NDUFB10: variants seen among roughly 807,000 people sequenced by gnomAD.
NDUFB10 encodes the protein NADH dehydrogenase [ubiquinone] 1 beta subcomplex subunit 10.
NDUFB10 carries 23 observed loss-of-function variants against 19.0 expected under a neutral mutation model. The observed-to-expected ratio is 1.21, with a 90% CI of 0.87 to 1.71. NDUFB10 has a LOEUF of 1.71. Ranked by LOEUF, NDUFB10 falls within the 40% of genes most tolerant of loss-of-function variation. NDUFB10 has a pLI of 0.00. For missense variants in NDUFB10, 312 were observed against 230.6 expected (o/e 1.35, Z -2.29); for synonymous variants, 104 against 81.8 (o/e 1.27, Z -1.46).
In NDUFB10 at chr16:1,961,548, TCAGCAGAGGGAAGGACAGAACTAC is replaced by T; in HGVS notation, c.329_352del (p.Arg110_Gln117del). ...TTATGCAGGATCGGCTCAAAGCCTG[TCAGCAGAGGGAAGGACAGAACTAC>T]CAGCAGAACTGTATCAAGGAAGTGG... On this transcript the variant is annotated inframe_deletion, in exon 3 of 4. Coordinates refer to ENST00000268668, the MANE Select transcript of NDUFB10 (RefSeq NM_004548.3). 1 of 1,614,068 alleles carries T rather than the reference TCAGCAGAGGGAAGGACAGAACTAC, an allele frequency of 6.2e-7. No individual in the cohort carries two copies. The highest frequency in any genetic ancestry group is 8.5e-7 in the Non-Finnish European group (1 of 1,180,022).
intron 1 of NDUFB10, 73 bp downstream of exon 1, chr16:1,959,827 T>G: frequency 6.4e-7 from 1 of 1,572,636 alleles, no homozygotes; most frequent in Non-Finnish European, 8.7e-7. Flanking sequence ...GCCTGGATCC[T>G]CCAATGCCTC....
rs1409455455 is a variant in NDUFB10, at chr16:1,959,566, G to A, written c.-59G>A. 1.3e-6 allele frequency: 2 copies of A among 1,538,494 alleles called. No individual in the cohort carries two copies. The highest frequency in any genetic ancestry group is 2.5e-5 in the East Asian group (1 of 40,544). On this transcript the variant is annotated 5_prime_UTR_variant, in exon 1 of 4. Transcript: ENST00000268668. ...GCGGGCGACCTAGGCCGCGGGACCC[G>A]GACGGAGGTAGAGGCCAGGGCAGCG... is the stretch of plus-strand genomic sequence containing the variant.
Position 1,961,385 on chromosome 16 carries a change from AG to A in NDUFB10, c.269+98del, listed in dbSNP as rs1190648756. 6.3e-6 allele frequency: 10 copies of A among 1,596,826 alleles called. No homozygotes were observed. The East Asian group carries it at 2.2e-4, about 36-fold the overall frequency. On this transcript the variant is annotated intron_variant, in intron 2 of 3. Coordinates refer to ENST00000268668, the MANE Select transcript of NDUFB10 (RefSeq NM_004548.3). ...CCACAGGGTGGCATGCCCAGATTTT[AG>A]GGGTGACATGGGAGGAGCCAGACCC...
chr16:1,961,645 C>T lies in NDUFB10; in HGVS notation c.409+9C>T, dbSNP rs1597035836. On this transcript the variant is annotated intron_variant, in intron 3 of 3. Coordinates refer to ENST00000268668, the MANE Select transcript of NDUFB10 (RefSeq NM_004548.3). The stretch of plus-strand genomic sequence containing the variant: ...GGCCTACCAGGACCGCTGTGCGTGC[C>T]CCACCCACCCCCAACCCCCCACCAT... The T allele has an allele frequency of 2.6e-6, 3 of 1,169,650 alleles. No individual in the cohort carries two copies. Among genetic ancestry groups the T allele is most frequent in the Non-Finnish European group, 1.2e-6 (1 of 845,072 alleles). 72.5% of individuals were successfully genotyped at this position (1,169,650 alleles called of 1,614,324 possible).
chr16:1,961,097 GCTAAAAGC>G lies in NDUFB10; in HGVS notation c.131-53_131-46del, dbSNP rs1337617216. Reference sequence around the variant, plus strand: ...CAAAGGGCTTATGAGAAATAAGAAAGCTAAAAGCCTGTCCAAACCGATGAGGCATTTGA... The same window carrying G: ...CAAAGGGCTTATGAGAAATAAGAAAGCTGTCCAAACCGATGAGGCATTTGA... On this transcript the variant is annotated intron_variant, in intron 1 of 3. Transcript: ENST00000268668. 7 of 1,594,012 alleles carry G rather than the reference GCTAAAAGC, an allele frequency of 4.4e-6. No individual in the cohort carries two copies. The East Asian group carries it at 1.3e-4, about 31-fold the overall frequency.
chr16:1,959,817 G>T, intron 1 of NDUFB10, 63 bp downstream of exon 1: 5 of 1,594,802 alleles, frequency 3.1e-6, no homozygotes, highest in Non-Finnish European at 4.3e-6. Flanking sequence ...CCCACACCCT[G>T]CCTGGATCCT....
intron 2 of NDUFB10, 27 bp from the exon 3 acceptor site, chr16:1,961,470 G>C (rs1279668901): frequency 5.0e-6 from 8 of 1,612,838 alleles, no homozygotes; most frequent in Non-Finnish European, 5.9e-6. Context: ...CTTGTGATTA[G>C]CCTCTCTTGC....
chr16:1,961,032 TA>T, intron 1 of NDUFB10, 120 bp from the exon 2 acceptor site: 1 of 1,267,774 alleles, frequency 7.9e-7, no homozygotes, highest in Non-Finnish European at 1.1e-6. Flanking sequence ...TGCTGTTTTC[TA>T]AACGCTGGAA....
intron 3 of NDUFB10, 26 bp from the exon 4 acceptor site, chr16:1,961,771 C>G: frequency 3.2e-6 from 5 of 1,548,712 alleles, no homozygotes; most frequent in South Asian, 1.2e-5. Context: ...GCCTCGGTTC[C>G]CAGCTTGTTT....
chr16:1,961,222 A>G lies in NDUFB10; in HGVS notation c.200A>G (p.Asp67Gly), dbSNP rs2083252014. 1 of 1,614,022 alleles carries G rather than the reference A, an allele frequency of 6.2e-7. No homozygotes were observed. Among genetic ancestry groups the G allele is most frequent in the African/African-American group, 1.3e-5 (1 of 74,944 alleles). Residue 67 changes from aspartate to glycine, a missense_variant, in exon 2 of 4, where the codon GAC becomes GGC. Physicochemically the swap from Asp to Gly is moderately conservative, Grantham distance 94 (BLOSUM62 -1). Coordinates refer to ENST00000268668, the MANE Select transcript of NDUFB10 (RefSeq NM_004548.3). ...YYHRQYRRVP[D>G]ITECKEEDIM... The stretch of plus-strand genomic sequence containing the variant: ...CACCGGCAGTACCGCCGCGTGCCAG[A>G]CATCACTGAGTGCAAGGAGGAGGAC...
chr16:1,961,507 CAAG>C lies in NDUFB10; in HGVS notation c.283_285del (p.Glu95del). The C allele has an allele frequency of 6.2e-7, 1 of 1,613,974 alleles. No homozygotes were observed. Among genetic ancestry groups the C allele is most frequent in the Non-Finnish European group, 8.5e-7 (1 of 1,179,988 alleles). ...CCTTTTCTCCACCAGCAAAGTCGAC[CAAG>C]AAATTATCAACATTATGCAGGATCG... On this transcript the variant is annotated inframe_deletion, in exon 3 of 4. Transcript: ENST00000268668.
In NDUFB10 at chr16:1,961,162, A is replaced by G; in HGVS notation, c.140A>G (p.Glu47Gly). 6.2e-7 allele frequency: 1 copy of G among 1,613,986 alleles called. No homozygotes were observed. The highest frequency in any genetic ancestry group is 8.5e-7 in the Non-Finnish European group (1 of 1,179,960). ...GGCTTTGTCTTTGCAGAATTTATAG[A>G]GCGGCAGCACGCAAAGAACAGGTAT... The part of the protein sequence containing the change: ...RPVTLVREFI[E>G]RQHAKNRYYY... The change falls in exon 2 of 4, where the codon GAG becomes GGG. Residue 47 changes from glutamate (E) to glycine (G), a missense_variant. Glu to Gly is a moderately conservative substitution (Grantham distance 98, BLOSUM62 -2). Transcript: ENST00000268668.
chr16:1,961,953 G>A lies in NDUFB10; in HGVS notation c.*47G>A. ...TGTGTGGCTCTGTATGACTGTTGCTGAAATATAAAGCCCTGCAACCTGCCT... is the reference window on the plus strand; with the variant it reads ...TGTGTGGCTCTGTATGACTGTTGCTAAAATATAAAGCCCTGCAACCTGCCT... On this transcript the variant is annotated 3_prime_UTR_variant, in exon 4 of 4. Transcript: ENST00000268668. 6.6e-7 allele frequency: 1 copy of A among 1,524,464 alleles called. No homozygotes were observed. The highest frequency in any genetic ancestry group is 2.4e-5 in the East Asian group (1 of 41,016). 94.4% of individuals were successfully genotyped at this position (1,524,464 alleles called of 1,614,324 possible). A position where few individuals can be genotyped will look rare whatever the true frequency, so the allele number is the denominator to read the frequency against.
rs1162572595 is a variant in NDUFB10, at chr16:1,961,939, GTATGAC to G, written c.*35_*40del. On this transcript the variant is annotated 3_prime_UTR_variant, in exon 4 of 4. Transcript: ENST00000268668. ...GTGGGTGCCCCTGCTGTGTGGCTCT[GTATGAC>G]TGTTGCTGAAATATAAAGCCCTGCA... is the stretch of plus-strand genomic sequence containing the variant. 1 of 1,535,708 alleles carries G rather than the reference GTATGAC, an allele frequency of 6.5e-7. No homozygotes were observed. The highest frequency in any genetic ancestry group is 8.8e-7 in the Non-Finnish European group (1 of 1,132,492).
Position 1,961,050 on chromosome 16 carries a change from G to A in NDUFB10, c.131-103G>A, listed in dbSNP as rs2083250363. ...TGTTTTCTAAACGCTGGAACACTCA[G>A]GAAGTTCTCCTCTCTCCCCTCCAAA... On this transcript the variant is annotated intron_variant, in intron 1 of 3. Transcript: ENST00000268668. 4 of 1,391,164 alleles carry A rather than the reference G, an allele frequency of 2.9e-6. No individual in the cohort carries two copies. The African/African-American group carries it at 4.3e-5, about 15-fold the overall frequency. The allele number at this position is 1,391,164 out of a possible 1,614,324, so 86.2% of individuals were successfully genotyped here. A position where few individuals can be genotyped will look rare whatever the true frequency, so the allele number is the denominator to read the frequency against.
chr16:1,961,547 G>C lies in NDUFB10; in HGVS notation c.320G>C (p.Cys107Ser). 1 of 1,614,116 alleles carries C rather than the reference G, an allele frequency of 6.2e-7. No homozygotes were observed. Among genetic ancestry groups the C allele is most frequent in the Non-Finnish European group, 8.5e-7 (1 of 1,180,034 alleles). ...INIMQDRLKACQQREGQNYQQ... is the reference protein window; with the variant it reads ...INIMQDRLKASQQREGQNYQQ... ...ATTATGCAGGATCGGCTCAAAGCCTGTCAGCAGAGGGAAGGACAGAACTAC... is the reference window on the plus strand; with the variant it reads ...ATTATGCAGGATCGGCTCAAAGCCTCTCAGCAGAGGGAAGGACAGAACTAC... Residue 107 changes from cysteine to serine, a missense_variant, in exon 3 of 4, where the codon TGT (cysteine) becomes TCT (serine). By Grantham distance (112) the Cys-to-Ser change is moderately radical. Transcript: ENST00000268668.
At chr16:1,959,920 C>G (rs905585940) in intron 1 of NDUFB10, among the ~76,000 whole-genome samples, 166 bp downstream of exon 1, 1 of 151,840 alleles carries the variant, frequency 6.6e-6, no homozygotes, top group Middle Eastern at 3.4e-3. Flanking sequence ...GCTCCGTCGC[C>G]TCCTTTGGCC....
At chr16:1,960,545 G>A (rs2083246778) in intron 1 of NDUFB10, among the ~76,000 whole-genome samples, 1 of 152,164 alleles carries the variant, frequency 6.6e-6, no homozygotes, top group African/African-American at 2.4e-5. Context: ...TTGAACACTT[G>A]GGGTGCATAG....
rs1042233621 is a variant in NDUFB10, at chr16:1,961,607, C to T, written c.380C>T (p.Thr127Ile). 13 of 1,613,702 alleles carry T rather than the reference C, an allele frequency of 8.1e-6. No individual in the cohort carries two copies. Among genetic ancestry groups the T allele is most frequent in the Non-Finnish European group, 1.1e-5 (13 of 1,179,996 alleles). ...QNCIKEVEQF[T>I]QVAKAYQDRY... ...TGTATCAAGGAAGTGGAGCAGTTCA[C>T]CCAGGTGGCCAAGGCCTACCAGGAC... is the stretch of plus-strand genomic sequence containing the variant. The change falls in exon 3 of 4, where the codon ACC (threonine) becomes ATC (isoleucine). Residue 127 changes from threonine to isoleucine, a missense_variant. By Grantham distance (89) the Thr-to-Ile change is moderately conservative (BLOSUM62 -1). Transcript: ENST00000268668.
Sources: gnomAD v4.1 joint callset for allele counts (sites outside exome capture counted in the v4.1 genomes callset) on GRCh38, gnomAD v4.1.1 for gene constraint, MANE v1.5 for transcripts, NCBI Gene and HGNC (gene_info 2026-07-23, HGNC 2026-07-21) for gene names.